Variants in GALNT5 observed in about 807,000 individuals in gnomAD.
GALNT5 encodes the protein UDP-GalNAc:polypeptide N-acetylgalactosaminyltransferase 5.
GALNT5 carries 72 observed loss-of-function variants against 85.4 expected under a neutral mutation model. That is an observed-to-expected ratio of 0.84 (90% CI 0.70 to 1.03). The LOEUF is 1.03. GALNT5 is among the 50% of genes least tolerant of loss of function. The pLI is 0.00. For synonymous variants in GALNT5, 404 were observed against 397.0 expected, an observed-to-expected ratio of 1.02 and a Z score of -0.21; for missense variants, 1,137 against 1,135.5, an observed-to-expected ratio of 1.00 and a Z score of -0.02.
chr2:157,284,596 A>G, intron 2 of GALNT5, 148 bp downstream of exon 2: 3 of 656,860 alleles, frequency 4.6e-6, no homozygotes, highest in South Asian at 3.7e-5. Context: ...CCTCAGAGAC[A>G]TAAGTCTAAG....
intron 1 of GALNT5, among the ~76,000 whole-genome samples, chr2:157,274,337 A>C (rs1408114273): frequency 6.6e-6 from 1 of 152,252 alleles, no homozygotes; most frequent in Non-Finnish European, 1.5e-5. Context: ...GTATATACCC[A>C]GTAATGGGAT....
In GALNT5 at chr2:157,269,859, C is replaced by A. The variant is rs114035799; in HGVS notation, c.1454+10323C>A. On this transcript the variant is annotated intron_variant, in intron 1 of 9. Coordinates refer to ENST00000259056, the MANE Select transcript of GALNT5 (RefSeq NM_014568.3). ...TGTCACTGGATGTTTCTCAGACCAA[C>A]CAAATTTTAACCATAAAGCAACTCT... 6.5e-3 allele frequency among the ~76,000 whole-genome samples: 988 copies of A among 152,254 alleles called. 4 individuals are homozygous for A. The highest frequency in any genetic ancestry group is 0.011 in the Non-Finnish European group (736 of 68,022).
intron 5 of GALNT5, among the ~76,000 whole-genome samples, chr2:157,297,821 C>G (rs1683247574): frequency 6.6e-6 from 1 of 152,122 alleles, no homozygotes; most frequent in South Asian, 2.1e-4. Context: ...GGAAGTGATT[C>G]CAGTCTTGGC....
At chr2:157,266,585 TTG>T (rs571376073) in intron 1 of GALNT5, among the ~76,000 whole-genome samples, 9 of 152,110 alleles carry the variant, frequency 5.9e-5, no homozygotes, top group Non-Finnish European at 1.2e-4. Flanking sequence ...GTGTGTGTGT[TTG>T]TGTGTGTGTT....
intron 1 of GALNT5, among the ~76,000 whole-genome samples, chr2:157,273,719 C>T (rs1488880005): frequency 3.4e-5 from 5 of 144,930 alleles, no homozygotes; most frequent in South Asian, 2.2e-4. Context: ...CTCAGCTCAC[C>T]GCAACCTCCG....
chr2:157,259,202 C>A lies in GALNT5; in HGVS notation c.1120C>A (p.His374Asn). ...GATGTCTTCCTCTTCACTTGCTCCA[C>A]ATAGAGTGCCACTGTCCCAAACTAA... Reference protein sequence around the residue: ...SEMSSSSLAPHRVPLSQTNHA... With the variant: ...SEMSSSSLAPNRVPLSQTNHA... Residue 374 changes from histidine (H) to asparagine (N), a missense_variant, in exon 1 of 10, where the codon CAT becomes AAT. Coordinates refer to ENST00000259056, the MANE Select transcript of GALNT5 (RefSeq NM_014568.3). 1 of 1,575,272 alleles carries A rather than the reference C, an allele frequency of 6.3e-7. No homozygotes were observed. The highest frequency in any genetic ancestry group is 8.6e-7 in the Non-Finnish European group (1 of 1,165,654).
At chr2:157,278,297 G>A (rs1682783357) in intron 1 of GALNT5, among the ~76,000 whole-genome samples, 1 of 152,114 alleles carries the variant, frequency 6.6e-6, no homozygotes, top group Non-Finnish European at 1.5e-5. Context: ...AAAATTATGT[G>A]TCTTGGAGTT....
Position 157,314,672 on chromosome 2 carries a change from T to C in GALNT5, c.*3324T>C, listed in dbSNP as rs890255766. ...CAACCTTGATTTCATGAATGGCTTG[T>C]AATTATTTCTAGCAGGCACTCATGC... On this transcript the variant is annotated 3_prime_UTR_variant, in exon 10 of 10. Coordinates refer to ENST00000259056, the MANE Select transcript of GALNT5 (RefSeq NM_014568.3). Among the ~76,000 whole-genome samples the C allele has an allele frequency of 3.3e-5, 5 of 152,212 alleles. No homozygotes were observed. Among genetic ancestry groups the C allele is most frequent in the Admixed American group, 3.3e-4 (5 of 15,270 alleles).
chr2:157,290,112 T>TACACACACAC (rs1553462999), intron 3 of GALNT5, among the ~76,000 whole-genome samples: 8 of 138,226 alleles, frequency 5.8e-5, no homozygotes, highest in African/African-American at 2.2e-4. Context: ...TATATATATA[T>TACACACACAC]ACATACACAA....
In GALNT5 at chr2:157,257,974, C is replaced by G. The variant is rs750651035; in HGVS notation, c.-109C>G. 143 of 1,162,246 alleles carry G rather than the reference C, an allele frequency of 1.2e-4. No individual in the cohort carries two copies. The highest frequency in any genetic ancestry group is 1.7e-4 in the Non-Finnish European group (135 of 804,156). The allele number at this position is 1,162,246 out of a possible 1,614,324, so 72.0% of individuals were successfully genotyped here. A position where few individuals can be genotyped will look rare whatever the true frequency, so the allele number is the denominator to read the frequency against. Reference sequence around the variant, plus strand: ...CTGCTGTGTTCAGGGGAGGGGGTCACTTTCTGGCAACTCTGCTGCTGCTGC... The same window carrying G: ...CTGCTGTGTTCAGGGGAGGGGGTCAGTTTCTGGCAACTCTGCTGCTGCTGC... On this transcript the variant is annotated 5_prime_UTR_variant, in exon 1 of 10. Transcript: ENST00000259056.
At chr2:157,292,221 C>CTTAT (rs1683116600) in intron 3 of GALNT5, among the ~76,000 whole-genome samples, 2 of 152,290 alleles carry the variant, frequency 1.3e-5, no homozygotes, top group African/African-American at 4.8e-5. Flanking sequence ...TAATGCTATG[C>CTTAT]TTATTTCACT....
intron 1 of GALNT5, among the ~76,000 whole-genome samples, chr2:157,280,040 C>T (rs921311423): frequency 6.6e-6 from 1 of 152,134 alleles, no homozygotes; most frequent in Non-Finnish European, 1.5e-5. Context: ...TCAGATGATC[C>T]ACCCACCTTG....
chr2:157,261,350 G>A (rs752776994), intron 1 of GALNT5, among the ~76,000 whole-genome samples: 2 of 152,128 alleles, frequency 1.3e-5, no homozygotes, highest in African/African-American at 2.4e-5. Context: ...TTGAAAGCTC[G>A]GGGACTCCCA....
At chr2:157,304,743 A>T (rs1683417315) in intron 7 of GALNT5, among the ~76,000 whole-genome samples, 1 of 152,120 alleles carries the variant, frequency 6.6e-6, no homozygotes, top group African/African-American at 2.4e-5. Context: ...GCATATTCTG[A>T]TCCCTGAAGA....
chr2:157,310,846 C>T (rs188520933), intron 9 of GALNT5, among the ~76,000 whole-genome samples: 29 of 152,240 alleles, frequency 1.9e-4, no homozygotes, highest in Admixed American at 3.3e-4. Flanking sequence ...CTTTTTGTTA[C>T]GGTATGTATT....
chr2:157,259,520 G>C lies in GALNT5; in HGVS notation c.1438G>C (p.Asp480His). ...DLIPVDRAIE[D>H]TRPAGCAEQL... ...GATCCCAGTGGATAGAGCCATTGAA[G>C]ACACCAGACCTGCTGGGTAAGACCT... The change falls in exon 1 of 10, where the codon GAC becomes CAC. Residue 480 changes from aspartate to histidine, a missense_variant. Coordinates refer to ENST00000259056, the MANE Select transcript of GALNT5 (RefSeq NM_014568.3). 7.3e-7 allele frequency: 1 copy of C among 1,375,736 alleles called. No homozygotes were observed. Among genetic ancestry groups the C allele is most frequent in the Non-Finnish European group, 9.5e-7 (1 of 1,055,488 alleles). The allele number at this position is 1,375,736 out of a possible 1,614,324, so 85.2% of individuals were successfully genotyped here.
intron 1 of GALNT5, among the ~76,000 whole-genome samples, chr2:157,272,300 C>T (rs1682606861): frequency 6.6e-6 from 1 of 152,130 alleles, no homozygotes; most frequent in Non-Finnish European, 1.5e-5. Flanking sequence ...CCTCCTATTT[C>T]TTTCTTTTCT....
At chr2:157,295,101 A>G (rs543611594) in intron 3 of GALNT5, among the ~76,000 whole-genome samples, 1 of 151,958 alleles carries the variant, frequency 6.6e-6, no homozygotes, top group East Asian at 1.9e-4. Context: ...AGTCTCCACG[A>G]CTCTTTTTAC....
At chr2:157,308,779 A>G in intron 9 of GALNT5, 51 bp downstream of exon 9, 1 of 1,434,522 alleles carries the variant, frequency 7.0e-7, no homozygotes, top group Non-Finnish European at 9.6e-7. Context: ...ACTTTTGATC[A>G]AATAGGACAT....
Sources: gnomAD v4.1 joint callset for allele counts (sites outside exome capture counted in the v4.1 genomes callset) on GRCh38, gnomAD v4.1.1 for gene constraint, MANE v1.5 for transcripts, NCBI Gene and HGNC (gene_info 2026-07-23, HGNC 2026-07-21) for gene names.